Variants in ZFHX3 observed in about 807,000 individuals in gnomAD.
The protein encoded by ZFHX3 is zinc finger homeobox protein 3.
A neutral mutation model predicts 279.1 loss-of-function variants in ZFHX3; 42 were observed. The observed-to-expected ratio is 0.15, with a 90% CI of 0.12 to 0.19. ZFHX3 has a LOEUF of 0.19. ZFHX3 is among the 10% of genes least tolerant of loss of function. The pLI is 1.00. For synonymous variants in ZFHX3, 2,293 were observed against 1,957.8 expected, an observed-to-expected ratio of 1.17 and a Z score of -4.52; for missense variants, 4,981 against 4,754.0, an observed-to-expected ratio of 1.05 and a Z score of -1.40.
intron 3 of ZFHX3, among the ~76,000 whole-genome samples, chr16:73,346,760 C>G (rs568248033): frequency 1.3e-5 from 2 of 152,340 alleles, no homozygotes; most frequent in East Asian, 1.9e-4. Context: ...GCGTGAGCCA[C>G]TGTGCCCAGT....
chr16:73,176,085 G>A (rs1351241002), intron 5 of ZFHX3, among the ~76,000 whole-genome samples: 1 of 151,998 alleles, frequency 6.6e-6, no homozygotes, highest in Non-Finnish European at 1.5e-5. Context: ...CTCATCCTTT[G>A]GCATTATTGA....
intron 3 of ZFHX3, among the ~76,000 whole-genome samples, chr16:72,915,190 T>C (rs2039413022): frequency 6.6e-6 from 1 of 152,210 alleles, no homozygotes; most frequent in African/African-American, 2.4e-5. Context: ...TGGCATTTAT[T>C]TCTCCTCCAT....
At chr16:73,467,251 A>G (rs2018589812) in intron 2 of ZFHX3, among the ~76,000 whole-genome samples, 1 of 152,180 alleles carries the variant, frequency 6.6e-6, no homozygotes, top group Non-Finnish European at 1.5e-5. Flanking sequence ...AGGAGAGAGA[A>G]TGGAAGCAAG....
In ZFHX3 at chr16:73,328,708, G is replaced by A. The variant is rs141427085; in HGVS notation, c.-1290-10372C>T. Among the ~76,000 whole-genome samples the A allele has an allele frequency of 3.3e-5, 5 of 152,282 alleles. No individual in the cohort carries two copies. The East Asian group carries it at 9.6e-4, about 29-fold the overall frequency. ...ACGATGTGTGGTGGACATAAGAGGAGACTTGTAACAGAATTAAAGATAAGT... is the reference window on the plus strand; with the variant it reads ...ACGATGTGTGGTGGACATAAGAGGAAACTTGTAACAGAATTAAAGATAAGT... On this transcript the variant is annotated intron_variant, in intron 3 of 17. Transcript: ENST00000641206.
rs189355780 is a variant in ZFHX3 at position 73,097,821 on chromosome 16, G to A, written c.-896-4223C>T. Among the ~76,000 whole-genome samples the A allele has an allele frequency of 1.8e-3, 270 of 152,214 alleles. 4 individuals are homozygous for A. Among genetic ancestry groups the A allele is most frequent in the Non-Finnish European group, 3.8e-4 (26 of 68,028 alleles). ...ATTCTGAACATTTCACATAAATGGC[G>A]CTGTACAATATTTGTCCCTTTGTAT... On this transcript the variant is annotated intron_variant, in intron 7 of 17. Coordinates refer to the ZFHX3 transcript ENST00000641206.
chr16:73,846,080 G>C (rs1174855306), intron 1 of ZFHX3, among the ~76,000 whole-genome samples: 1 of 152,168 alleles, frequency 6.6e-6, no homozygotes, highest in Non-Finnish European at 1.5e-5. Flanking sequence ...TTGCAGGCAT[G>C]AGCCACTGTG....
intron 5 of ZFHX3, among the ~76,000 whole-genome samples, chr16:73,158,459 T>C (rs1348561497): frequency 6.6e-6 from 1 of 152,116 alleles, no homozygotes; most frequent in African/African-American, 2.4e-5. Flanking sequence ...CCCCCTCCCT[T>C]CTCTTTTCTC....
chr16:73,321,301 C>T (rs926092272), intron 3 of ZFHX3, among the ~76,000 whole-genome samples: 5 of 152,146 alleles, frequency 3.3e-5, no homozygotes, highest in African/African-American at 1.2e-4. Flanking sequence ...CTAAACTTTG[C>T]ATTAGAGACC....
At chr16:73,044,727 TTCTCCTGCCTCGG>T (rs1227000569) in intron 1 of ZFHX3, among the ~76,000 whole-genome samples, 1 of 152,216 alleles carries the variant, frequency 6.6e-6, no homozygotes, top group Non-Finnish European at 1.5e-5. Flanking sequence ...ATTCAAGCGA[TTCTCCTGCCTCGG>T]CCTCCTGAGT....
chr16:72,951,347 G>C (rs1278334279), intron 2 of ZFHX3, among the ~76,000 whole-genome samples: 1 of 151,698 alleles, frequency 6.6e-6, no homozygotes, highest in Admixed American at 6.6e-5. Context: ...GGCAACCTCT[G>C]CCTCCCGGGT....
At chr16:73,847,152 T>C (rs927322570) in intron 1 of ZFHX3, among the ~76,000 whole-genome samples, 12 of 151,918 alleles carry the variant, frequency 7.9e-5, no homozygotes, top group African/African-American at 2.7e-4. Context: ...AAATACAAAA[T>C]TAGCCAGGCA....
chr16:73,148,038 G>T (rs1399494342), intron 5 of ZFHX3, among the ~76,000 whole-genome samples: 1 of 152,150 alleles, frequency 6.6e-6, no homozygotes, highest in Non-Finnish European at 1.5e-5. Flanking sequence ...TTAGCCCAGA[G>T]CTTAGCAAGC....
intron 4 of ZFHX3, among the ~76,000 whole-genome samples, chr16:73,269,270 G>A (rs1414609331): frequency 1.3e-5 from 2 of 152,262 alleles, no homozygotes; most frequent in East Asian, 3.9e-4. Context: ...CACCACCAGG[G>A]AGCCATTGGA....
chr16:72,947,607 G>A (rs1316236282), intron 3 of ZFHX3, among the ~76,000 whole-genome samples: 1 of 152,098 alleles, frequency 6.6e-6, no homozygotes, highest in Non-Finnish European at 1.5e-5. Flanking sequence ...GGGCCACCGG[G>A]AAGCCACATA....
chr16:73,017,210 G>A (rs1201732547), intron 1 of ZFHX3, among the ~76,000 whole-genome samples: 2 of 148,802 alleles, frequency 1.3e-5, no homozygotes, highest in African/African-American at 5.0e-5. Context: ...TCCAGACTGA[G>A]CAACACTGCA....
chr16:73,455,282 T>A (rs1301746054), intron 3 of ZFHX3, among the ~76,000 whole-genome samples: 2 of 152,194 alleles, frequency 1.3e-5, no homozygotes, highest in African/African-American at 4.8e-5. Context: ...ACATTTGCAT[T>A]CTCAGAGTTT....
intron 4 of ZFHX3, among the ~76,000 whole-genome samples, chr16:73,283,774 T>C (rs927457848): frequency 1.3e-5 from 2 of 152,082 alleles, no homozygotes; most frequent in African/African-American, 4.8e-5. Flanking sequence ...TGAGACATTA[T>C]CTCTACTAAA....
chr16:73,622,940 C>A (rs1036165458), intron 2 of ZFHX3, among the ~76,000 whole-genome samples: 2 of 152,202 alleles, frequency 1.3e-5, no homozygotes, highest in African/African-American at 2.4e-5. Flanking sequence ...TACCCTAGTA[C>A]CTGGGGGTGA....
chr16:73,745,689 A>G (rs542680812), intron 1 of ZFHX3, among the ~76,000 whole-genome samples: 2 of 152,296 alleles, frequency 1.3e-5, no homozygotes, highest in East Asian at 1.9e-4. Flanking sequence ...AACATGCCCT[A>G]TGGATCCCAT....
Sources: gnomAD v4.1 joint callset for allele counts (sites outside exome capture counted in the v4.1 genomes callset) on GRCh38, gnomAD v4.1.1 for gene constraint, MANE v1.5 for transcripts, NCBI Gene and HGNC (gene_info 2026-07-23, HGNC 2026-07-21) for gene names.